ARMC8: variants seen among roughly 807,000 people sequenced by gnomAD.
The protein encoded by ARMC8 is armadillo repeat containing 8.
Under a neutral mutation model 99.3 loss-of-function variants are expected in ARMC8, and 20 were observed. The observed-to-expected ratio is 0.20, with a 90% confidence interval of 0.14 to 0.29. The LOEUF is 0.29. Among genes scored for constraint, ARMC8 ranks in the 10% least tolerant of loss-of-function variants. The pLI is 1.00. For missense variants in ARMC8, 569 were observed against 809.5 expected (o/e 0.70, Z 3.60); for synonymous variants, 263 against 278.3 (o/e 0.95, Z 0.55).
At position 138,263,816 on chromosome 3, in the gene ARMC8, C is replaced by T. The variant is rs768260322; in HGVS notation, c.1212C>T (p.Ala404=). The change falls in exon 13 of 22, where the codon GCC becomes GCT. Residue 404 remains alanine (A), a synonymous_variant. Coordinates refer to ENST00000469044, the MANE Select transcript of ARMC8 (RefSeq NM_001363941.2). Reference sequence around the variant, plus strand: ...CTAGTGTCAAGGTGCGGTTAGCTGCCGTCAGGTATGAGCTTTAAATGGTCT... The same window carrying T: ...CTAGTGTCAAGGTGCGGTTAGCTGCTGTCAGGTATGAGCTTTAAATGGTCT... The part of the protein sequence containing the change: ...SESSVKVRLA[A]VRCLHSLSRS... 63 of 1,613,654 alleles carry T rather than the reference C, an allele frequency of 3.9e-5. 1 individual carries two copies. In the Middle Eastern group the frequency reaches 4.9e-4, roughly 13 times the overall value.
At chr3:138,212,244 T>C (rs1230933001) in intron 2 of ARMC8, among the ~76,000 whole-genome samples, 1 of 152,108 alleles carries the variant, frequency 6.6e-6, no homozygotes, top group East Asian at 1.9e-4. Flanking sequence ...GTCTGAAAAT[T>C]AATTGTACAT....
At chr3:138,193,417 C>T (rs548327987) in intron 1 of ARMC8, among the ~76,000 whole-genome samples, 73 of 152,064 alleles carry the variant, frequency 4.8e-4, no homozygotes, top group African/African-American at 1.3e-3. Context: ...TGTGCCACCG[C>T]GCCCAGCTAA....
intron 18 of ARMC8, among the ~76,000 whole-genome samples, chr3:138,280,295 T>C (rs767191421): frequency 2.3e-4 from 34 of 149,544 alleles, no homozygotes; most frequent in Non-Finnish European, 4.8e-4. Flanking sequence ...TTTGGTTTCA[T>C]TGATTTTCCC....
At chr3:138,274,680 A>T in intron 18 of ARMC8, 136 bp downstream of exon 18, 2 of 641,208 alleles carry the variant, frequency 3.1e-6, no homozygotes, top group Non-Finnish European at 2.7e-6. Context: ...AGGAAGAAAT[A>T]TCTTCCACCA....
Position 138,188,177 on chromosome 3 carries a change from G to A in ARMC8, c.45+578G>A, listed in dbSNP as rs753690419. 1.4e-4 allele frequency: 44 copies of A among 305,086 alleles called. 1 individual carries two copies. The highest frequency in any genetic ancestry group is 2.4e-4 in the Non-Finnish European group (38 of 159,726). 18.9% of individuals were successfully genotyped at this position (305,086 alleles called of 1,614,324 possible). A position where few individuals can be genotyped will look rare whatever the true frequency, so the allele number is the denominator to read the frequency against. On this transcript the variant is annotated intron_variant, in intron 1 of 21. Coordinates refer to ENST00000469044, the MANE Select transcript of ARMC8 (RefSeq NM_001363941.2). ...TTCGTATCAGCTGCAACTCTTCCTA[G>A]TGTGTGTGGTTTTTTAAGCCCCTTT...
chr3:138,204,637 C>T (rs2044260935), intron 1 of ARMC8, among the ~76,000 whole-genome samples: 1 of 152,168 alleles, frequency 6.6e-6, no homozygotes, highest in South Asian at 2.1e-4. Context: ...GTTCCTAAAT[C>T]CAAAGGTTAG....
intron 11 of ARMC8, 88 bp from the exon 12 acceptor site, chr3:138,245,000 G>A: frequency 6.7e-6 from 10 of 1,492,076 alleles, no homozygotes; most frequent in Non-Finnish European, 9.0e-6. Flanking sequence ...TCTAAAAGTT[G>A]TAAACTTTTT....
At chr3:138,275,830 A>G (rs1223678297) in intron 18 of ARMC8, among the ~76,000 whole-genome samples, 1 of 152,224 alleles carries the variant, frequency 6.6e-6, no homozygotes, top group Non-Finnish European at 1.5e-5. Context: ...ATTTTACGTG[A>G]TATCTCTTAA....
At chr3:138,264,040 T>C in intron 13 of ARMC8, 91 bp from the exon 14 acceptor site, 1 of 1,174,396 alleles carries the variant, frequency 8.5e-7, no homozygotes, top group East Asian at 2.4e-5. Context: ...ATGCTTGAAG[T>C]GTACATTAGT....
chr3:138,237,644 A>T (rs1425839787), intron 9 of ARMC8, 72 bp downstream of exon 9: 4 of 1,295,422 alleles, frequency 3.1e-6, no homozygotes, highest in Non-Finnish European at 4.3e-6. Flanking sequence ...GGACAACCAA[A>T]TTTGCTTGCT....
At chr3:138,190,040 T>C (rs1263642189) in intron 1 of ARMC8, among the ~76,000 whole-genome samples, 1 of 152,066 alleles carries the variant, frequency 6.6e-6, no homozygotes, top group Non-Finnish European at 1.5e-5. Flanking sequence ...TATCTTTCTC[T>C]TCCCATGACC....
chr3:138,261,542 A>G (rs568153348), intron 12 of ARMC8: 2 of 152,334 alleles, frequency 1.3e-5, no homozygotes, highest in Admixed American at 6.5e-5. Context: ...GAAAATTTCC[A>G]ATACTGAGTT....
At chr3:138,235,359 A>G (rs1390361457) in intron 7 of ARMC8, among the ~76,000 whole-genome samples, 1 of 152,074 alleles carries the variant, frequency 6.6e-6, no homozygotes, top group Non-Finnish European at 1.5e-5. Context: ...CATTAAATTT[A>G]AAATCTTTTT....
Position 138,209,813 on chromosome 3 carries a change from C to T in ARMC8, c.46-4C>T. 6.2e-7 allele frequency: 1 copy of T among 1,613,194 alleles called. No individual in the cohort carries two copies. The highest frequency in any genetic ancestry group is 1.7e-4 in the Middle Eastern group (1 of 6,058). On this transcript the variant is annotated splice_polypyrimidine_tract_variant and splice_region_variant and intron_variant, in intron 1 of 21. Coordinates refer to ENST00000469044, the MANE Select transcript of ARMC8 (RefSeq NM_001363941.2). The stretch of plus-strand genomic sequence containing the variant: ...ATGTCATAATTTTTCCCCCCACTTT[C>T]TAGGAAGTAACAGCTAGCAGTCGCC...
intron 17 of ARMC8, among the ~76,000 whole-genome samples, chr3:138,273,470 C>T (rs773607925): frequency 6.6e-6 from 1 of 152,184 alleles, no homozygotes; most frequent in Non-Finnish European, 1.5e-5. Context: ...ATCTCTGGGG[C>T]CTCTGCTTCT....
intron 1 of ARMC8, among the ~76,000 whole-genome samples, chr3:138,200,466 A>T (rs1338916204): frequency 2.0e-5 from 3 of 152,206 alleles, no homozygotes; most frequent in Non-Finnish European, 4.4e-5. Context: ...TTGTGTTTCT[A>T]TGTAAAATGG....
At chr3:138,249,142 A>G (rs1335564736) in intron 12 of ARMC8, among the ~76,000 whole-genome samples, 1 of 152,206 alleles carries the variant, frequency 6.6e-6, no homozygotes. Flanking sequence ...CACACAGACA[A>G]ATGGATGAAT....
At chr3:138,229,150 A>ATT (rs2045865099) in intron 6 of ARMC8, 140 bp downstream of exon 6, 9 of 41,840 alleles carry the variant, frequency 2.2e-4, no homozygotes, top group African/African-American at 7.1e-4. Context: ...ATATATATAT[A>ATT]TATATATATA....
At chr3:138,292,291 C>A (rs28606027) in intron 21 of ARMC8, among the ~76,000 whole-genome samples, 3 of 152,224 alleles carry the variant, frequency 2.0e-5, no homozygotes, top group Non-Finnish European at 4.4e-5. Flanking sequence ...CCACCCACCT[C>A]GGCTTCCCAA....
Sources: gnomAD v4.1 joint callset for allele counts (sites outside exome capture counted in the v4.1 genomes callset) on GRCh38, gnomAD v4.1.1 for gene constraint, MANE v1.5 for transcripts, NCBI Gene and HGNC (gene_info 2026-07-23, HGNC 2026-07-21) for gene names.